The following NBAS variants were observed in gnomAD, a reference collection of about 807,000 sequenced individuals.
NBAS encodes the protein NAG/BC035112 fusion.
In NBAS, 219 loss-of-function variants were observed where a neutral mutation model predicts 302.5. The ratio of observed to expected loss-of-function variants is 0.72; its 90% CI spans 0.65 to 0.81. The LOEUF is 0.81. Among genes scored for constraint, NBAS ranks in the 30% least tolerant of loss-of-function variants. The probability of loss-of-function intolerance (pLI) is 0.00; values close to 1 mark genes in which losing one functional copy is unlikely to be tolerated. For synonymous variants in NBAS, 1,118 were observed against 1,021.6 expected (o/e 1.09, Z -1.80); for missense variants, 2,932 against 2,841.6 (o/e 1.03, Z -0.72).
chr2:14,910,579 C>T, the NBAS span, among the ~76,000 whole-genome samples: 5 of 152,180 alleles, frequency 3.3e-5, no homozygotes, highest in African/African-American at 4.8e-5. Context: ...GAGAGGTGCC[C>T]GGTGCAGGCC....
chr2:15,480,151 G>A (rs535428627), intron 12 of NBAS, among the ~76,000 whole-genome samples: 22 of 152,156 alleles, frequency 1.4e-4, no homozygotes, highest in African/African-American at 5.3e-4. Context: ...GACTAGCTGG[G>A]TGATATAGCA....
At chr2:14,880,649 T>C in the NBAS span, among the ~76,000 whole-genome samples, 1 of 151,124 alleles carries the variant, frequency 6.6e-6, no homozygotes, top group Non-Finnish European at 1.5e-5. Context: ...AAAAATAAGA[T>C]GAAAAAGACC....
the NBAS span, among the ~76,000 whole-genome samples, chr2:15,088,043 T>C: frequency 6.6e-6 from 1 of 152,186 alleles, no homozygotes; most frequent in Non-Finnish European, 1.5e-5. Context: ...TCAGAGGAGA[T>C]ACCCGTAGGG....
intron 48 of NBAS, among the ~76,000 whole-genome samples, chr2:15,198,444 T>G (rs905049868): frequency 1.3e-5 from 2 of 151,858 alleles, no homozygotes; most frequent in African/African-American, 4.8e-5. Flanking sequence ...AGAGTAGCAT[T>G]TGGACATGTA....
chr2:15,379,800 C>A lies in NBAS; in HGVS notation c.3392G>T (p.Arg1131Leu). 1.2e-6 allele frequency: 2 copies of A among 1,613,806 alleles called. No individual in the cohort carries two copies. Among genetic ancestry groups the A allele is most frequent in the South Asian group, 1.1e-5 (1 of 91,068 alleles). ...IFTESLLCSS[R>L]LENIHLAGQM... ...TCCAGCCAGGTGGATGTTTTCAAGG[C>A]GACTAGAGCACAGAAGGCTTTCTGT... The change falls in exon 30 of 52, where the codon CGC (arginine) becomes CTC (leucine). Residue 1131 changes from arginine (R) to leucine (L), a missense_variant. Arg to Leu is a moderately radical substitution (Grantham distance 102). Transcript: ENST00000281513.
chr2:15,034,204 G>GCAAA, the NBAS span, among the ~76,000 whole-genome samples: 1 of 116,670 alleles, frequency 8.6e-6, no homozygotes, highest in Non-Finnish European at 1.9e-5. Context: ...ACAAAGAGAA[G>GCAAA]GAAAGGAAAG....
At chr2:15,219,928 G>C (rs1666858561) in intron 47 of NBAS, among the ~76,000 whole-genome samples, 1 of 148,120 alleles carries the variant, frequency 6.8e-6, no homozygotes, top group Non-Finnish European at 1.5e-5. Flanking sequence ...TCACCTCCCG[G>C]ATGGGGCGGC....
intron 50 of NBAS, among the ~76,000 whole-genome samples, chr2:15,184,526 T>C (rs1193056092): frequency 2.0e-5 from 3 of 151,974 alleles, no homozygotes; most frequent in African/African-American, 4.8e-5. Context: ...ATCCCTCGCA[T>C]GTGTAGTTCA....
intron 48 of NBAS, among the ~76,000 whole-genome samples, chr2:15,210,937 T>G (rs530823017): frequency 6.6e-6 from 1 of 152,066 alleles, no homozygotes; most frequent in African/African-American, 2.4e-5. Context: ...ATTGAACTCA[T>G]GCAGATAGAG....
chr2:14,915,057 A>C, the NBAS span, among the ~76,000 whole-genome samples: 2 of 152,182 alleles, frequency 1.3e-5, no homozygotes, highest in East Asian at 1.9e-4. Flanking sequence ...AGTCATCCAC[A>C]TGGACGTGGG....
the NBAS span, among the ~76,000 whole-genome samples, chr2:14,902,092 C>T: frequency 2.2e-4 from 33 of 152,264 alleles, no homozygotes; most frequent in African/African-American, 7.0e-4. Flanking sequence ...GTGCTTAGTT[C>T]GTATAGCAAT....
rs191319455 is a variant in NBAS at position 15,319,947 on chromosome 2, A to G, written c.4582+7803T>C. Among the ~76,000 whole-genome samples, 22 of 152,324 alleles carry G rather than the reference A, an allele frequency of 1.4e-4. No individual in the cohort carries two copies. The East Asian group carries it at 4.2e-3, about 29-fold the overall frequency. ...CCTGGCAGAGACACAACAAAAAAAA[A>G]AGAGAATTTTAGACCAATATCCCTG... is the stretch of plus-strand genomic sequence containing the variant. On this transcript the variant is annotated intron_variant, in intron 38 of 51. Coordinates refer to ENST00000281513, the MANE Select transcript of NBAS (RefSeq NM_015909.4).
At chr2:15,036,231 A>C in the NBAS span, among the ~76,000 whole-genome samples, 1 of 152,186 alleles carries the variant, frequency 6.6e-6, no homozygotes, top group East Asian at 1.9e-4. Flanking sequence ...AATCTTATTC[A>C]TGCTTGCATC....
chr2:14,963,323 C>T, the NBAS span, among the ~76,000 whole-genome samples: 1 of 152,072 alleles, frequency 6.6e-6, no homozygotes, highest in Non-Finnish European at 1.5e-5. Context: ...AATACAACCA[C>T]ACTCAATCGT....
intron 30 of NBAS, among the ~76,000 whole-genome samples, chr2:15,376,600 G>C (rs1016411133): frequency 9.2e-5 from 14 of 152,102 alleles, no homozygotes; most frequent in African/African-American, 3.1e-4. Flanking sequence ...TCACCTGTGT[G>C]GGGGGAATGG....
the NBAS span, among the ~76,000 whole-genome samples, chr2:14,917,228 C>T: frequency 0.077 from 11,746 of 152,266 alleles, 521 homozygotes; most frequent in East Asian, 0.15. Flanking sequence ...GCTAGGGTCT[C>T]ATCTGAAGGC....
chr2:14,815,398 A>C, the NBAS span, among the ~76,000 whole-genome samples: 1 of 152,200 alleles, frequency 6.6e-6, no homozygotes, highest in Admixed American at 6.5e-5. Context: ...GCTTTGGGAA[A>C]AATTTCTTCA....
the NBAS span, among the ~76,000 whole-genome samples, chr2:15,122,514 A>G: frequency 6.6e-6 from 1 of 152,152 alleles, no homozygotes; most frequent in Admixed American, 6.6e-5. Flanking sequence ...CCATGATCCA[A>G]TCACCTCCCA....
intron 19 of NBAS, among the ~76,000 whole-genome samples, chr2:15,465,611 C>A (rs1679688482): frequency 6.6e-6 from 1 of 152,080 alleles, no homozygotes; most frequent in Non-Finnish European, 1.5e-5. Flanking sequence ...ATCTCTACTA[C>A]TATCTAATGG....
Sources: gnomAD v4.1 joint callset for allele counts (sites outside exome capture counted in the v4.1 genomes callset) on GRCh38, gnomAD v4.1.1 for gene constraint, MANE v1.5 for transcripts, NCBI Gene and HGNC (gene_info 2026-07-23, HGNC 2026-07-21) for gene names.